DOCK10: variants seen among roughly 807,000 people sequenced by gnomAD.
DOCK10 encodes dedicator of cytokinesis protein 10.
DOCK10 carries 145 observed loss-of-function variants against 280.1 expected under a neutral mutation model. That is an observed-to-expected ratio of 0.52 (90% CI 0.45 to 0.59). DOCK10 has a LOEUF of 0.59. Ranked by LOEUF, DOCK10 falls within the 20% of genes least tolerant of loss-of-function variation. DOCK10 has a pLI of 0.00. For synonymous variants in DOCK10, 915 were observed against 942.2 expected (o/e 0.97, Z 0.53); for missense variants, 2,368 against 2,651.7 (o/e 0.89, Z 2.35).
chr2:224,913,155 A>T (rs918760618), intron 3 of DOCK10, among the ~76,000 whole-genome samples: 1 of 152,200 alleles, frequency 6.6e-6, no homozygotes, highest in African/African-American at 2.4e-5. Flanking sequence ...TTATTAATTG[A>T]TAATTCAAAA....
At chr2:224,789,396 A>G (rs1210521556) in intron 47 of DOCK10, among the ~76,000 whole-genome samples, 1 of 152,206 alleles carries the variant, frequency 6.6e-6, no homozygotes, top group African/African-American at 2.4e-5. Flanking sequence ...ATAAAGAAAT[A>G]GCATGGGATT....
chr2:224,854,152 G>T (rs762368936), intron 16 of DOCK10, among the ~76,000 whole-genome samples: 4 of 151,906 alleles, frequency 2.6e-5, no homozygotes, highest in Non-Finnish European at 5.9e-5. Context: ...TAATACTGCA[G>T]TGGCAATCCA....
intron 2 of DOCK10, among the ~76,000 whole-genome samples, chr2:224,927,509 G>A (rs372471514): frequency 1.3e-5 from 2 of 152,288 alleles, no homozygotes; most frequent in South Asian, 4.1e-4. Flanking sequence ...GGGTATTTGT[G>A]GCTTGGGACA....
chr2:225,029,652 CA>C (rs1690022269), intron 1 of DOCK10, among the ~76,000 whole-genome samples: 1 of 152,062 alleles, frequency 6.6e-6, no homozygotes, highest in African/African-American at 2.4e-5. Flanking sequence ...TCACTTCAGA[CA>C]AATTAAAAAT....
chr2:224,940,302 T>C (rs1244617909), intron 1 of DOCK10, among the ~76,000 whole-genome samples: 1 of 152,174 alleles, frequency 6.6e-6, no homozygotes, highest in African/African-American at 2.4e-5. Context: ...CTTCCTTCTG[T>C]CCCCTTCTCT....
At chr2:224,877,362 C>T (rs113786050) in intron 7 of DOCK10, among the ~76,000 whole-genome samples, 5 of 151,736 alleles carry the variant, frequency 3.3e-5, no homozygotes, top group South Asian at 2.1e-4. Flanking sequence ...TGTAATAGTA[C>T]GGACACTTGA....
intron 55 of DOCK10, chr2:224,768,755 A>G (rs564990966): frequency 1.4e-4 from 38 of 274,964 alleles, no homozygotes; most frequent in South Asian, 1.1e-3. Flanking sequence ...AATTAAATAA[A>G]AACTTAGAGA....
chr2:224,778,856 A>C (rs1278625911), intron 50 of DOCK10, among the ~76,000 whole-genome samples: 1 of 152,216 alleles, frequency 6.6e-6, no homozygotes, highest in South Asian at 2.1e-4. Context: ...CTATTTAAAA[A>C]ATAACTTTAC....
At chr2:224,797,670 C>G (rs1208568809) in intron 42 of DOCK10, among the ~76,000 whole-genome samples, 162 bp downstream of exon 42, 2 of 152,170 alleles carry the variant, frequency 1.3e-5, no homozygotes, top group African/African-American at 4.8e-5. Context: ...CAAGGCTGTG[C>G]ACTCATTTTG....
At chr2:224,905,862 A>T (rs1200909950) in intron 3 of DOCK10, among the ~76,000 whole-genome samples, 1 of 152,104 alleles carries the variant, frequency 6.6e-6, no homozygotes, top group Non-Finnish European at 1.5e-5. Context: ...AGTGTGGCTC[A>T]GGGACCTGCC....
rs1700388789 is a variant in DOCK10, at chr2:224,902,993, G to A, written c.334-6616C>T. ...GGCGCCTGTAGTCCCAGCTACTCGG[G>A]AGGCTGAGGCGGGAGAACGGCGTGA... On this transcript the variant is annotated intron_variant, in intron 3 of 55. Transcript: ENST00000258390. Among the ~76,000 whole-genome samples, 3 of 152,202 alleles carry A rather than the reference G, an allele frequency of 2.0e-5. No homozygotes were observed. The South Asian group carries it at 6.2e-4, about 32-fold the overall frequency.
At chr2:224,920,800 G>A (rs1284904942) in intron 2 of DOCK10, among the ~76,000 whole-genome samples, 1 of 151,792 alleles carries the variant, frequency 6.6e-6, no homozygotes, top group Non-Finnish European at 1.5e-5. Flanking sequence ...GTCTGATGGA[G>A]AGTAGAGTAA....
At chr2:225,029,331 T>C (rs10181639) in intron 1 of DOCK10, among the ~76,000 whole-genome samples, 1 of 152,116 alleles carries the variant, frequency 6.6e-6, no homozygotes, top group Non-Finnish European at 1.5e-5. Context: ...ACCACCACAG[T>C]TGGCTAACTT....
chr2:224,853,099 G>A lies in DOCK10; in HGVS notation c.1912C>T (p.Pro638Ser). 1 of 1,599,432 alleles carries A rather than the reference G, an allele frequency of 6.3e-7. No individual in the cohort carries two copies. The highest frequency in any genetic ancestry group is 1.7e-4 in the Middle Eastern group (1 of 5,992). ...GCCATCATGTTGAAAGGCTTGACAGGGATAAAGGACGATGTTACACAATCT... is the reference window on the plus strand; with the variant it reads ...GCCATCATGTTGAAAGGCTTGACAGAGATAAAGGACGATGTTACACAATCT... ...HPNCVTSSFI[P>S]VKPFNMMAQT... The change falls in exon 17 of 56, where the codon CCT becomes TCT. Residue 638 changes from proline to serine, a missense_variant. Pro to Ser is a moderately conservative substitution (Grantham distance 74). Around this residue, in one of 2 missense-constraint regions of DOCK10, gnomAD observed 1,209 missense variants for 1,250.9 expected, o/e 0.97. Coordinates refer to ENST00000258390, the MANE Select transcript of DOCK10 (RefSeq NM_014689.3).
chr2:224,907,560 C>T (rs1700725059), intron 3 of DOCK10, among the ~76,000 whole-genome samples: 1 of 151,980 alleles, frequency 6.6e-6, no homozygotes, highest in Non-Finnish European at 1.5e-5. Context: ...TGGTGGCGGG[C>T]CCCTGTAGTC....
chr2:225,035,596 ATCAGTGTT>A lies in DOCK10; in HGVS notation c.123+6648_123+6655del, dbSNP rs1468829033. On this transcript the variant is annotated intron_variant, in intron 1 of 55. Coordinates refer to ENST00000258390, the MANE Select transcript of DOCK10 (RefSeq NM_014689.3). ...TATATATATATATATATAACACTGA[ATCAGTGTT>A]AATTGTGTGTTGTATTAGTCAGTGC... is the stretch of plus-strand genomic sequence containing the variant. Among the ~76,000 whole-genome samples, 150 of 94,968 alleles carry A rather than the reference ATCAGTGTT, an allele frequency of 1.6e-3. 3 individuals are homozygous for A. The highest frequency in any genetic ancestry group is 5.6e-3 in the African/African-American group (143 of 25,572). The allele number at this position is 94,968 out of a possible 152,430, so 62.3% of individuals were successfully genotyped here. A position where few individuals can be genotyped will look rare whatever the true frequency, so the allele number is the denominator to read the frequency against.
At chr2:224,780,097 G>T (rs1691204309) in intron 50 of DOCK10, among the ~76,000 whole-genome samples, 1 of 152,284 alleles carries the variant, frequency 6.6e-6, no homozygotes, top group Non-Finnish European at 1.5e-5. Context: ...TTTAAATAAA[G>T]ATGTTTTTAT....
chr2:224,772,943 T>C (rs1167245326), intron 53 of DOCK10, among the ~76,000 whole-genome samples: 43 of 152,230 alleles, frequency 2.8e-4, no homozygotes, highest in Non-Finnish European at 1.5e-5. Context: ...ATACATTTTA[T>C]TTCAGCTAAA....
In DOCK10 at chr2:224,953,544, C is replaced by T. The variant is rs375010073; in HGVS notation, c.124-21876G>A. Among the ~76,000 whole-genome samples the T allele has an allele frequency of 8.4e-4, 128 of 152,294 alleles. 3 individuals carry two copies. In the South Asian group the frequency reaches 0.022, roughly 26 times the overall value. ...TTAGTGGTACTCAGGCTCACTGCTT[C>T]CTGCTAGAAAGGTCAACCCAACTGA... On this transcript the variant is annotated intron_variant, in intron 1 of 55. Transcript: ENST00000258390.
Sources: gnomAD v4.1 joint callset for allele counts (sites outside exome capture counted in the v4.1 genomes callset) on GRCh38, gnomAD v4.1.1 for gene constraint, gnomAD v4.1.1 regional missense constraint, MANE v1.5 for transcripts, NCBI Gene and HGNC (gene_info 2026-07-23, HGNC 2026-07-21) for gene names.